Variants in SDK1 observed in about 807,000 individuals in gnomAD.
SDK1 encodes protein sidekick-1.
Under a neutral mutation model 245.5 loss-of-function variants are expected in SDK1, and 157 were observed. That is an observed-to-expected ratio of 0.64 (90% confidence interval 0.56 to 0.73). SDK1 has a LOEUF of 0.73. Ranked by LOEUF, SDK1 falls within the 30% of genes least tolerant of loss-of-function variation. The probability of loss-of-function intolerance (pLI) is 0.00; values close to 1 mark genes in which losing one functional copy is unlikely to be tolerated. For missense variants in SDK1, 3,583 were observed against 3,002.3 expected, an observed-to-expected ratio of 1.19 and a Z score of -4.52; for synonymous variants, 1,647 against 1,278.5, an observed-to-expected ratio of 1.29 and a Z score of -6.15.
At chr7:3,615,217 T>A (rs968324966) in intron 1 of SDK1, among the ~76,000 whole-genome samples, 3 of 151,610 alleles carry the variant, frequency 2.0e-5, no homozygotes, top group Admixed American at 1.3e-4. Context: ...AGAGTGCAAA[T>A]GGCCAGACAT....
intron 32 of SDK1, among the ~76,000 whole-genome samples, chr7:4,163,384 C>T (rs1584339425): frequency 6.6e-6 from 1 of 152,324 alleles, no homozygotes; most frequent in South Asian, 2.1e-4. Flanking sequence ...GAACAGTGGT[C>T]TAGACATGGC....
intron 4 of SDK1, among the ~76,000 whole-genome samples, chr7:3,750,249 A>T (rs1478590165): frequency 1.3e-5 from 2 of 152,242 alleles, no homozygotes; most frequent in Non-Finnish European, 2.9e-5. Flanking sequence ...AAAAGTGACT[A>T]TTTGGAGAAC....
intron 1 of SDK1, among the ~76,000 whole-genome samples, chr7:3,411,386 C>T (rs1202230719): frequency 6.6e-6 from 1 of 152,168 alleles, no homozygotes; most frequent in Non-Finnish European, 1.5e-5. Flanking sequence ...ACTACACATA[C>T]AGTTATAAGA....
intron 1 of SDK1, among the ~76,000 whole-genome samples, chr7:3,520,937 A>C (rs1331145236): frequency 6.6e-6 from 1 of 152,192 alleles, no homozygotes; most frequent in Non-Finnish European, 1.5e-5. Flanking sequence ...TGTAGGTCAT[A>C]AGTCTAGGTA....
chr7:4,137,751 C>G (rs530865649), intron 28 of SDK1, among the ~76,000 whole-genome samples: 2 of 152,370 alleles, frequency 1.3e-5, no homozygotes, highest in Non-Finnish European at 1.5e-5. Context: ...CACACGCCGC[C>G]GTCTTCTGGC....
At chr7:3,615,057 A>G (rs1294125415) in intron 1 of SDK1, among the ~76,000 whole-genome samples, 2 of 151,744 alleles carry the variant, frequency 1.3e-5, no homozygotes, top group African/African-American at 4.8e-5. Flanking sequence ...TATTAAAATG[A>G]TGATGCTCTA....
intron 4 of SDK1, among the ~76,000 whole-genome samples, chr7:3,742,198 CG>C (rs1779498302): frequency 1.3e-5 from 2 of 150,846 alleles, no homozygotes; most frequent in South Asian, 4.2e-4. Context: ...CAATGTTTTC[CG>C]TATCTCTGGC....
intron 1 of SDK1, among the ~76,000 whole-genome samples, chr7:3,557,190 A>C (rs553362449): frequency 1.1e-4 from 16 of 152,260 alleles, no homozygotes; most frequent in Admixed American, 2.0e-4. Flanking sequence ...AACTTTAATA[A>C]AATTGATAAA....
chr7:3,929,153 C>T lies in SDK1; in HGVS notation c.848-21770C>T, dbSNP rs568818631. On this transcript the variant is annotated intron_variant, in intron 5 of 44. Coordinates refer to ENST00000404826, the MANE Select transcript of SDK1 (RefSeq NM_152744.4). ...GGGAAACCAATGCATTTGTCCTTGCCCTTGGTTAAACGGTTATCTGAAGTT... is the reference window on the plus strand; with the variant it reads ...GGGAAACCAATGCATTTGTCCTTGCTCTTGGTTAAACGGTTATCTGAAGTT... 9.8e-5 allele frequency among the ~76,000 whole-genome samples: 15 copies of T among 152,294 alleles called. No homozygotes were observed. In the South Asian group the frequency reaches 3.1e-3, roughly 32 times the overall value.
At chr7:3,701,312 C>T (rs79991885) in intron 4 of SDK1, among the ~76,000 whole-genome samples, 116 of 152,280 alleles carry the variant, frequency 7.6e-4, no homozygotes, top group African/African-American at 2.0e-3. Context: ...GCCAACATGC[C>T]GTGTTCAACA....
chr7:4,215,948 G>C (rs1467822099), intron 38 of SDK1, among the ~76,000 whole-genome samples: 2 of 152,134 alleles, frequency 1.3e-5, no homozygotes, highest in South Asian at 2.1e-4. Flanking sequence ...GTCCTGCCCA[G>C]CCTCACACAG....
chr7:3,694,953 GTCT>G (rs1449274818), intron 4 of SDK1, among the ~76,000 whole-genome samples: 1 of 152,122 alleles, frequency 6.6e-6, no homozygotes, highest in Non-Finnish European at 1.5e-5. Context: ...TTCTTCAAGT[GTCT>G]TCTTATTGAT....
chr7:3,643,405 A>G (rs948191363), intron 4 of SDK1: 3 of 146,068 alleles, frequency 2.1e-5, no homozygotes, highest in African/African-American at 5.2e-5. Flanking sequence ...TCCCTTCCCT[A>G]AAGCTGTTGA....
intron 4 of SDK1, among the ~76,000 whole-genome samples, chr7:3,712,271 C>G (rs1013081814): frequency 6.6e-6 from 1 of 152,104 alleles, no homozygotes; most frequent in African/African-American, 2.4e-5. Flanking sequence ...GACCGTGAAC[C>G]TTATTGTGAA....
At chr7:3,545,279 G>C (rs1428158840) in intron 1 of SDK1, among the ~76,000 whole-genome samples, 4 of 152,284 alleles carry the variant, frequency 2.6e-5, no homozygotes, top group Middle Eastern at 6.8e-3. Context: ...GATTGATGCA[G>C]GGGTCAGAAA....
At chr7:3,563,040 C>T (rs986908077) in intron 1 of SDK1, among the ~76,000 whole-genome samples, 8 of 152,044 alleles carry the variant, frequency 5.3e-5, no homozygotes. Context: ...CTAGATGTTA[C>T]CGTTATTGAG....
intron 4 of SDK1, among the ~76,000 whole-genome samples, chr7:3,655,746 G>T (rs1783163018): frequency 1.3e-5 from 2 of 151,916 alleles, no homozygotes; most frequent in South Asian, 4.2e-4. Flanking sequence ...AATAGCACAT[G>T]GTTTGTTCTG....
rs549012761 is a variant in SDK1, at chr7:4,211,307, G to A, written c.5539+1145G>A. On this transcript the variant is annotated intron_variant, in intron 38 of 44. Transcript: ENST00000404826. The stretch of plus-strand genomic sequence containing the variant: ...TTGACAGTGAGTGACAGGTGAAAAC[G>A]GAAGGTGGAATGCAGATGGCTCGGA... Among the ~76,000 whole-genome samples, 4 of 152,342 alleles carry A rather than the reference G, an allele frequency of 2.6e-5. No homozygotes were observed. In the East Asian group the frequency reaches 5.8e-4, roughly 22 times the overall value.
chr7:4,132,681 T>C (rs1188563457), intron 28 of SDK1: 2 of 373,674 alleles, frequency 5.4e-6, no homozygotes, highest in East Asian at 4.8e-5. Flanking sequence ...TGAGCCAAGA[T>C]TGCATCACTG....
Sources: allele counts gnomAD v4.1 joint callset (sites outside exome capture counted in the v4.1 genomes callset), GRCh38; gene constraint gnomAD v4.1.1; transcripts MANE v1.5; gene names NCBI Gene and HGNC (gene_info 2026-07-23, HGNC 2026-07-21).